Variants in UGGT1 observed in about 807,000 individuals in gnomAD.
UGGT1 encodes the protein UDP-glucose glycoprotein glucosyltransferase 1.
UGGT1 carries 107 observed loss-of-function variants against 203.9 expected under a neutral mutation model. The ratio of observed to expected loss-of-function variants is 0.52; its 90% CI spans 0.45 to 0.62. The LOEUF (loss-of-function observed/expected upper bound fraction) is 0.62. Ranked by LOEUF, UGGT1 falls within the 20% of genes least tolerant of loss-of-function variation. UGGT1 has a pLI of 0.00. For synonymous variants in UGGT1, 628 were observed against 653.5 expected, an observed-to-expected ratio of 0.96 and a Z score of 0.59; for missense variants, 1,673 against 1,867.2, an observed-to-expected ratio of 0.90 and a Z score of 1.92.
chr2:128,101,046 C>T (rs1207872148), intron 2 of UGGT1, among the ~76,000 whole-genome samples: 1 of 152,136 alleles, frequency 6.6e-6, no homozygotes, highest in Non-Finnish European at 1.5e-5. Flanking sequence ...GAAGTAAGAG[C>T]TACATTTGCC....
In UGGT1 at chr2:128,182,248, G is replaced by C; in HGVS notation, c.4202G>C (p.Gly1401Ala). Residue 1401 changes from glycine (G) to alanine (A), a missense_variant, in exon 37 of 41, where the codon GGG (glycine) becomes GCG (alanine). Coordinates refer to ENST00000259253, the MANE Select transcript of UGGT1 (RefSeq NM_020120.4). Reference protein sequence around the residue: ...EMDGYRFWKSGYWASHLAGRK... With the variant: ...EMDGYRFWKSAYWASHLAGRK... Reference sequence around the variant, plus strand: ...GACGGCTACAGGTTCTGGAAGTCAGGGTACTGGGCCAGTCATTTAGCCGGG... The same window carrying C: ...GACGGCTACAGGTTCTGGAAGTCAGCGTACTGGGCCAGTCATTTAGCCGGG... 1 of 1,614,016 alleles carries C rather than the reference G, an allele frequency of 6.2e-7. No homozygotes were observed. The highest frequency in any genetic ancestry group is 2.2e-5 in the East Asian group (1 of 44,890).
chr2:128,156,053 G>A (rs1690211341), intron 20 of UGGT1, among the ~76,000 whole-genome samples: 1 of 152,166 alleles, frequency 6.6e-6, no homozygotes, highest in Admixed American at 6.5e-5. Context: ...CTGTAGTGGC[G>A]GACAGATTCT....
intron 15 of UGGT1, among the ~76,000 whole-genome samples, chr2:128,136,852 T>A (rs1029345867): frequency 1.3e-5 from 2 of 152,244 alleles, no homozygotes; most frequent in Admixed American, 1.3e-4. Flanking sequence ...ATCCTGTTGC[T>A]CCACAGCCTT....
intron 3 of UGGT1, among the ~76,000 whole-genome samples, chr2:128,104,675 T>G (rs1350720337): frequency 6.6e-6 from 1 of 152,150 alleles, no homozygotes; most frequent in Non-Finnish European, 1.5e-5. Flanking sequence ...TGAGATGAAG[T>G]CTTGCTTTGT....
At chr2:128,153,433 A>G (rs1325713052) in intron 19 of UGGT1, among the ~76,000 whole-genome samples, 1 of 152,152 alleles carries the variant, frequency 6.6e-6, no homozygotes, top group Non-Finnish European at 1.5e-5. Flanking sequence ...TTGTGCAGTC[A>G]TCACCACTGT....
chr2:128,171,800 C>T (rs1691120687), intron 28 of UGGT1, among the ~76,000 whole-genome samples: 1 of 152,148 alleles, frequency 6.6e-6, no homozygotes, highest in African/African-American at 2.4e-5. Context: ...AGCTACCACG[C>T]CTGGCCCCAT....
Position 128,171,215 on chromosome 2 carries a change from A to C in UGGT1, c.3035A>C (p.Gln1012Pro). The C allele has an allele frequency of 6.2e-7, 1 of 1,609,908 alleles. No homozygotes were observed. Among genetic ancestry groups the C allele is most frequent in the Non-Finnish European group, 8.5e-7 (1 of 1,179,020 alleles). The change falls in exon 28 of 41, where the codon CAG becomes CCG. Residue 1012 changes from glutamine to proline, a missense_variant. Gln to Pro is a moderately conservative substitution (Grantham distance 76). Transcript: ENST00000259253. The stretch of plus-strand genomic sequence containing the variant: ...TGGTTTTCCTTCTAGGTTTTGGCTC[A>C]GCTGATAAACATGAATCTGAGAGTA... ...RLAPLLLVLA[Q>P]LINMNLRVFM...
rs1001661299 is a variant in UGGT1, at chr2:128,191,927, G to A, written c.*2185G>A. The A allele has an allele frequency of 2.6e-5, 4 of 152,226 alleles. No homozygotes were observed. The highest frequency in any genetic ancestry group is 9.7e-5 in the African/African-American group (4 of 41,444). The allele number at this position is 152,226 out of a possible 1,614,324, so 9.4% of individuals were successfully genotyped here. On this transcript the variant is annotated 3_prime_UTR_variant, in exon 41 of 41. Coordinates refer to ENST00000259253, the MANE Select transcript of UGGT1 (RefSeq NM_020120.4). ...ACATTGAATGAAAGCATTCAGACGG[G>A]TGACTGCTGCTGTCCACAACTGTGG...
chr2:128,178,222 T>C (rs748451777), intron 33 of UGGT1, among the ~76,000 whole-genome samples: 3 of 152,334 alleles, frequency 2.0e-5, no homozygotes, highest in Non-Finnish European at 2.9e-5. Flanking sequence ...GTAAGTTGCA[T>C]TCTGGTGCAG....
chr2:128,103,235 A>G (rs766004990), intron 2 of UGGT1: 77 of 352,460 alleles, frequency 2.2e-4, no homozygotes, highest in Non-Finnish European at 3.9e-4. Flanking sequence ...AAGATAAGCA[A>G]TTGACATGAA....
chr2:128,115,645 T>G (rs1294068569), intron 7 of UGGT1, among the ~76,000 whole-genome samples: 1 of 152,198 alleles, frequency 6.6e-6, no homozygotes, highest in African/African-American at 2.4e-5. Flanking sequence ...TAAAGTATCC[T>G]ATATTTAACA....
chr2:128,180,837 A>T, intron 35 of UGGT1, 53 bp from the exon 36 acceptor site: 1 of 1,550,000 alleles, frequency 6.5e-7, no homozygotes, highest in Non-Finnish European at 8.8e-7. Flanking sequence ...TTATGAAAGC[A>T]GTTTTCTTAA....
intron 2 of UGGT1, chr2:128,102,955 A>G (rs1687446191): frequency 2.4e-6 from 1 of 425,440 alleles, no homozygotes; most frequent in Non-Finnish European, 4.8e-6. Flanking sequence ...GAAAAATACT[A>G]CTTTCAAGGA....
intron 34 of UGGT1, 42 bp downstream of exon 34, chr2:128,178,611 T>G: frequency 6.5e-7 from 1 of 1,545,038 alleles, no homozygotes; most frequent in East Asian, 2.2e-5. Context: ...ATGAATGAAT[T>G]GGTCAGTGTT....
At chr2:128,173,359 A>G (rs1432358550) in intron 29 of UGGT1, among the ~76,000 whole-genome samples, 1 of 152,120 alleles carries the variant, frequency 6.6e-6, no homozygotes, top group African/African-American at 2.4e-5. Flanking sequence ...TTTTCTACTG[A>G]TACGTGAGTA....
At chr2:128,176,398 ACT>A (rs1283079352) in intron 31 of UGGT1, among the ~76,000 whole-genome samples, 1 of 136,444 alleles carries the variant, frequency 7.3e-6, no homozygotes, top group Non-Finnish European at 1.5e-5. Context: ...ACAGAGCAAA[ACT>A]CTGTCTCAAA....
At chr2:128,160,386 A>C in intron 23 of UGGT1, 74 bp from the exon 24 acceptor site, 1 of 1,448,232 alleles carries the variant, frequency 6.9e-7, no homozygotes, top group South Asian at 1.5e-5. Context: ...TTTATGGTTT[A>C]TTCACTGTGT....
chr2:128,117,238 C>T (rs1002266729), intron 8 of UGGT1, among the ~76,000 whole-genome samples: 1 of 151,938 alleles, frequency 6.6e-6, no homozygotes, highest in Non-Finnish European at 1.5e-5. Context: ...TACAGGCACC[C>T]ATCACCATGC....
chr2:128,133,852 C>T (rs1688998173), intron 14 of UGGT1, among the ~76,000 whole-genome samples: 1 of 151,864 alleles, frequency 6.6e-6, no homozygotes, highest in African/African-American at 2.4e-5. Context: ...CTTGTTATTC[C>T]TTCTTGCACT....
Sources: allele counts gnomAD v4.1 joint callset (sites outside exome capture counted in the v4.1 genomes callset), GRCh38; gene constraint gnomAD v4.1.1; transcripts MANE v1.5; gene names NCBI Gene and HGNC (gene_info 2026-07-23, HGNC 2026-07-21).